RBM20: variants seen among roughly 807,000 people sequenced by gnomAD.
RBM20 encodes RNA-binding protein 20.
A neutral mutation model predicts 110.1 loss-of-function variants in RBM20; 51 were observed. The ratio of observed to expected loss-of-function variants is 0.46; its 90% CI spans 0.37 to 0.59. The LOEUF (loss-of-function observed/expected upper bound fraction) is 0.59. Ranked by LOEUF, RBM20 falls within the 20% of genes least tolerant of loss-of-function variation. RBM20 has a pLI of 0.00. For synonymous variants in RBM20, 589 were observed against 618.2 expected (o/e 0.95, Z 0.70); for missense variants, 1,512 against 1,574.9 (o/e 0.96, Z 0.68).
rs1033881286 is a variant in RBM20, at chr10:110,807,990, G to A, written c.1801-2393G>A. Among the ~76,000 whole-genome samples, 4 of 152,242 alleles carry A rather than the reference G, an allele frequency of 2.6e-5. No homozygotes were observed. The East Asian group carries it at 7.7e-4, about 29-fold the overall frequency. On this transcript the variant is annotated intron_variant, in intron 7 of 13. Coordinates refer to ENST00000369519, the MANE Select transcript of RBM20 (RefSeq NM_001134363.3). ...GTCTTGGTCCTGATGGTTCCCACCA[G>A]CTTTCCCAAGCTCTGCTGCTCCCCT...
rs1349339913 is a variant in RBM20, at chr10:110,745,079, G to A, written c.192-35722G>A. Among the ~76,000 whole-genome samples, 10 of 152,308 alleles carry A rather than the reference G, an allele frequency of 6.6e-5. No individual in the cohort carries two copies. In the East Asian group the frequency reaches 1.9e-3, roughly 29 times the overall value. ...ACTGTTGTTTGGGTCAATGTTGTAA[G>A]CAGTTGCTTGAATACAAACCCTCTG... On this transcript the variant is annotated intron_variant, in intron 1 of 13. Coordinates refer to ENST00000369519, the MANE Select transcript of RBM20 (RefSeq NM_001134363.3).
At chr10:110,742,027 C>T (rs151176109) in intron 1 of RBM20, among the ~76,000 whole-genome samples, 1 of 152,188 alleles carries the variant, frequency 6.6e-6, no homozygotes, top group African/African-American at 2.4e-5. Flanking sequence ...AGTTGAGACA[C>T]CAGGTTCAGC....
At chr10:110,786,760 C>T (rs1384001138) in intron 5 of RBM20, among the ~76,000 whole-genome samples, 1 of 152,238 alleles carries the variant, frequency 6.6e-6, no homozygotes, top group Non-Finnish European at 1.5e-5. Flanking sequence ...GTGCTCACAA[C>T]CCTGCCCTGA....
chr10:110,720,872 G>C (rs34535058), intron 1 of RBM20, among the ~76,000 whole-genome samples: 1,944 of 152,320 alleles, frequency 0.013, 19 homozygotes, highest in Middle Eastern at 0.051. Context: ...ATAAAAGCCA[G>C]AGGTCCCACT....
intron 1 of RBM20, among the ~76,000 whole-genome samples, chr10:110,704,198 A>G (rs991333228): frequency 4.6e-5 from 7 of 152,238 alleles, no homozygotes; most frequent in African/African-American, 1.7e-4. Flanking sequence ...CTGGAGATTT[A>G]TCTAAGTTTT....
chr10:110,646,433 T>A (rs1861868354), intron 1 of RBM20, among the ~76,000 whole-genome samples: 1 of 152,200 alleles, frequency 6.6e-6, no homozygotes, highest in Non-Finnish European at 1.5e-5. Flanking sequence ...AAGACTCAGC[T>A]TTTCAAAGAT....
intron 1 of RBM20, among the ~76,000 whole-genome samples, chr10:110,727,406 T>TAAAATAAAAAAA (rs1564827058): frequency 1.3e-5 from 1 of 78,244 alleles, no homozygotes; most frequent in African/African-American, 4.5e-5. Context: ...TCTCAAAAAA[T>TAAAATAAAAAAA]AAAAATAAAA....
intron 1 of RBM20, among the ~76,000 whole-genome samples, chr10:110,720,035 G>A (rs1415646830): frequency 1.3e-5 from 2 of 152,192 alleles, no homozygotes; most frequent in Admixed American, 6.5e-5. Context: ...CAAGAGGGGT[G>A]AAGGAGCGCC....
At chr10:110,646,962 A>G (rs953955237) in intron 1 of RBM20, among the ~76,000 whole-genome samples, 2 of 152,312 alleles carry the variant, frequency 1.3e-5, no homozygotes, top group Middle Eastern at 3.4e-3. Flanking sequence ...TAGTTATTTT[A>G]GTGAGGTCGT....
intron 1 of RBM20, among the ~76,000 whole-genome samples, chr10:110,706,692 C>T (rs186348941): frequency 3.9e-5 from 6 of 152,290 alleles, no homozygotes; most frequent in Admixed American, 6.5e-5. Context: ...AACCTCAAAA[C>T]CAATGGCGAT....
At chr10:110,759,044 T>C (rs1360465316) in intron 1 of RBM20, among the ~76,000 whole-genome samples, 1 of 152,234 alleles carries the variant, frequency 6.6e-6, no homozygotes, top group African/African-American at 2.4e-5. Flanking sequence ...AAGAACCTAT[T>C]TCCTTTCCTA....
At chr10:110,773,037 TG>T (rs1351716408) in intron 1 of RBM20, among the ~76,000 whole-genome samples, 1 of 151,984 alleles carries the variant, frequency 6.6e-6, no homozygotes, top group African/African-American at 2.4e-5. Context: ...CCACAGGGAG[TG>T]AATAAGGGCT....
chr10:110,644,230 G>A (rs1215310476), upstream of RBM20, among the ~76,000 whole-genome samples: 2 of 152,084 alleles, frequency 1.3e-5, no homozygotes, highest in Non-Finnish European at 2.9e-5. This position sits in a 1 kb window ranked among gnomAD's most constrained non-coding sequence, Gnocchi z 4.3. Context: ...GTCGGGAGAC[G>A]CCCCCTGGCC....
rs191709870 is a variant in RBM20 at position 110,697,947 on chromosome 10, G to A, written c.191+53302G>A. Among the ~76,000 whole-genome samples the A allele has an allele frequency of 3.7e-3, 529 of 143,852 alleles. 4 individuals are homozygous for A. Among genetic ancestry groups the A allele is most frequent in the African/African-American group, 0.013 (493 of 38,126 alleles). The allele number at this position is 143,852 out of a possible 152,430, so 94.4% of individuals were successfully genotyped here. Reference sequence around the variant, plus strand: ...TTTTGAGACTGAGTCTCACTCTGTCGCCCGGGCTGGAGTGCAGTGGTGCGA... The same window carrying A: ...TTTTGAGACTGAGTCTCACTCTGTCACCCGGGCTGGAGTGCAGTGGTGCGA... On this transcript the variant is annotated intron_variant, in intron 1 of 13. Coordinates refer to ENST00000369519, the MANE Select transcript of RBM20 (RefSeq NM_001134363.3).
intron 1 of RBM20, among the ~76,000 whole-genome samples, chr10:110,745,547 C>T (rs938320880): frequency 4.0e-5 from 6 of 149,528 alleles, no homozygotes; most frequent in African/African-American, 1.5e-4. Context: ...GGAGTGGTTT[C>T]TCTTTTCTTT....
Position 110,812,385 on chromosome 10 carries a change from G to C in RBM20, c.1988G>C (p.Gly663Ala). The change falls in exon 9 of 14, where the codon GGC becomes GCC. Residue 663 changes from glycine (G) to alanine (A), a missense_variant. Gly to Ala is a moderately conservative substitution (Grantham distance 60). Coordinates refer to ENST00000369519, the MANE Select transcript of RBM20 (RefSeq NM_001134363.3). ...TGCAGCTCTTCCCACAGCCCTCCGG[G>C]CCCCTCCCGGGCTGACTGGGGCAAT... Reference protein sequence around the residue: ...TSCSSSHSPPGPSRADWGNGR... With the variant: ...TSCSSSHSPPAPSRADWGNGR... 6.4e-7 allele frequency: 1 copy of C among 1,551,644 alleles called. No homozygotes were observed. The highest frequency in any genetic ancestry group is 8.7e-7 in the Non-Finnish European group (1 of 1,147,006).
chr10:110,752,687 A>G (rs1417333314), intron 1 of RBM20, among the ~76,000 whole-genome samples: 1 of 152,120 alleles, frequency 6.6e-6, no homozygotes, highest in East Asian at 1.9e-4. Context: ...ATCTATGCAA[A>G]GTTTAACAAA....
At chr10:110,761,648 C>A (rs1224721968) in intron 1 of RBM20, among the ~76,000 whole-genome samples, 1 of 152,236 alleles carries the variant, frequency 6.6e-6, no homozygotes. Flanking sequence ...TTTGTCCCCA[C>A]ACGTGGGGTG....
At chr10:110,719,695 A>G (rs1843482316) in intron 1 of RBM20, among the ~76,000 whole-genome samples, 1 of 152,178 alleles carries the variant, frequency 6.6e-6, no homozygotes, top group Non-Finnish European at 1.5e-5. Context: ...CCCAGATTAC[A>G]AAGAGTTTCT....
Sources: gnomAD v4.1 joint callset for allele counts (sites outside exome capture counted in the v4.1 genomes callset) on GRCh38, gnomAD v4.1.1 for gene constraint, Gnocchi (gnomAD v3.1) non-coding constraint, MANE v1.5 for transcripts, NCBI Gene and HGNC (gene_info 2026-07-23, HGNC 2026-07-21) for gene names.